SUPT16H: variants seen among roughly 807,000 people sequenced by gnomAD.
The protein encoded by SUPT16H is SPT16 homolog, facilitates chromatin remodeling subunit.
Under a neutral mutation model 136.2 loss-of-function variants are expected in SUPT16H, and 24 were observed. That is an observed-to-expected ratio of 0.18 (90% CI 0.13 to 0.25). The LOEUF is 0.25. Among genes scored for constraint, SUPT16H ranks in the 10% least tolerant of loss-of-function variants. The probability of loss-of-function intolerance (pLI) is 1.00; values close to 1 mark genes in which losing one functional copy is unlikely to be tolerated. For synonymous variants in SUPT16H, 415 were observed against 428.2 expected, an observed-to-expected ratio of 0.97 and a Z score of 0.38; for missense variants, 623 against 1,270.2, an observed-to-expected ratio of 0.49 and a Z score of 7.74.
chr14:21,364,310 A>C (rs1031729768), intron 10 of SUPT16H, among the ~76,000 whole-genome samples: 1 of 152,044 alleles, frequency 6.6e-6, no homozygotes, highest in African/African-American at 2.4e-5. Flanking sequence ...TATTTAGCAA[A>C]TCCTTAGAGA....
intron 1 of SUPT16H, among the ~76,000 whole-genome samples, chr14:21,377,634 CT>C (rs1254085612): frequency 6.5e-5 from 5 of 76,764 alleles, no homozygotes; most frequent in African/African-American, 2.1e-4. Flanking sequence ...TTTATTTATT[CT>C]TTTTTTGAGA....
At chr14:21,380,461 A>C (rs1811140655) in intron 1 of SUPT16H, among the ~76,000 whole-genome samples, 1 of 152,084 alleles carries the variant, frequency 6.6e-6, no homozygotes, top group Non-Finnish European at 1.5e-5. Flanking sequence ...GAGCCACAGA[A>C]CATAGCTGTT....
Position 21,360,933 on chromosome 14 carries a change from G to A in SUPT16H, c.1969C>T (p.Arg657Trp). The change falls in exon 17 of 26, where the codon CGG (arginine) becomes TGG (tryptophan). Residue 657 changes from arginine (R) to tryptophan (W), a missense_variant. Physicochemically the swap from Arg to Trp is moderately radical, Grantham distance 101 (BLOSUM62 -3). This residue lies in a region of SUPT16H where 62 missense variants were observed against 200.5 expected (regional missense o/e 0.31). Transcript: ENST00000216297. ...AGATCTTTCAGTTTCGGATTACTCC[G>A]GTTTAGATTGATCACCAGTGAGTCT... ...KQDSLVINLN[R>W]SNPKLKDLYI... 6.2e-7 allele frequency: 1 copy of A among 1,614,084 alleles called. No homozygotes were observed. Among genetic ancestry groups the A allele is most frequent in the Non-Finnish European group, 8.5e-7 (1 of 1,180,014 alleles).
chr14:21,361,432 T>C, intron 15 of SUPT16H: 1 of 565,180 alleles, frequency 1.8e-6, no homozygotes, highest in Non-Finnish European at 3.1e-6. Flanking sequence ...TCCTCCCACC[T>C]CAGCCTTCCA....
At chr14:21,364,097 C>T (rs939654670) in intron 10 of SUPT16H, among the ~76,000 whole-genome samples, 12 of 152,190 alleles carry the variant, frequency 7.9e-5, no homozygotes, top group Admixed American at 6.5e-5. Flanking sequence ...TTGTCTGTGC[C>T]TTCAATTTAT....
chr14:21,362,062 G>A (rs1003403493), intron 15 of SUPT16H, 135 bp downstream of exon 15: 8 of 1,046,938 alleles, frequency 7.6e-6, no homozygotes, highest in South Asian at 1.9e-5. Flanking sequence ...TCAAGAAGGC[G>A]ATCCGAAACA....
intron 6 of SUPT16H, 122 bp downstream of exon 6, chr14:21,369,082 A>C: frequency 9.0e-7 from 1 of 1,108,350 alleles, no homozygotes; most frequent in South Asian, 1.9e-5. Flanking sequence ...TGACTTGGTA[A>C]CACTATACAT....
At position 21,363,182 on chromosome 14, in the gene SUPT16H, C is replaced by T. The variant is rs761737278; in HGVS notation, c.1396-33G>A. Reference sequence around the variant, plus strand: ...ATGGAAAATCCAATTTATCACAACACGTGAGCCATATGACAGCCGAGATCA... The same window carrying T: ...ATGGAAAATCCAATTTATCACAACATGTGAGCCATATGACAGCCGAGATCA... On this transcript the variant is annotated intron_variant, in intron 12 of 25. Coordinates refer to ENST00000216297, the MANE Select transcript of SUPT16H (RefSeq NM_007192.4). 2.4e-5 allele frequency: 38 copies of T among 1,613,982 alleles called. No individual in the cohort carries two copies. The East Asian group carries it at 4.2e-4, about 18-fold the overall frequency.
In SUPT16H at chr14:21,383,911, T is replaced by C; in HGVS notation, c.17A>G (p.Asp6Gly). MAVTL[D>G]KDAYYRRVKR... ...CACTCGCCGATAATAAGCGTCTTTGTCCAGAGTCACAGCCATAGCCCCGGA... is the reference window on the plus strand; with the variant it reads ...CACTCGCCGATAATAAGCGTCTTTGCCCAGAGTCACAGCCATAGCCCCGGA... The change falls in exon 1 of 26, where the codon GAC becomes GGC. Residue 6 changes from aspartate to glycine, a missense_variant. Transcript: ENST00000216297. 1 of 1,612,796 alleles carries C rather than the reference T, an allele frequency of 6.2e-7. No individual in the cohort carries two copies.
Position 21,370,496 on chromosome 14 carries a change from T to C in SUPT16H, c.331-8A>G. 1 of 1,613,694 alleles carries C rather than the reference T, an allele frequency of 6.2e-7. No individual in the cohort carries two copies. Among genetic ancestry groups the C allele is most frequent in the Non-Finnish European group, 8.5e-7 (1 of 1,179,870 alleles). On this transcript the variant is annotated splice_region_variant and splice_polypyrimidine_tract_variant and intron_variant, in intron 3 of 25. Transcript: ENST00000216297. ...ACTCTTATTACTTTCATTCTGTCAG[T>C]GTCATAGGGAAGAAAAGACACATAT...
chr14:21,380,282 T>C (rs1391005083), intron 1 of SUPT16H, among the ~76,000 whole-genome samples: 1 of 140,432 alleles, frequency 7.1e-6, no homozygotes, highest in Non-Finnish European at 1.6e-5. Flanking sequence ...TGACAGATAC[T>C]GATGGAAGAC....
rs1476824614 is a variant in SUPT16H at position 21,369,366 on chromosome 14, A to G, written c.631-11T>C. On this transcript the variant is annotated splice_polypyrimidine_tract_variant and intron_variant, in intron 5 of 25. Coordinates refer to ENST00000216297, the MANE Select transcript of SUPT16H (RefSeq NM_007192.4). The stretch of plus-strand genomic sequence containing the variant: ...GCTGTGTCGAACTTTCTGTAAGAGC[A>G]TCCAGAAATAAAGTAACACTTACTA... 6 of 1,613,944 alleles carry G rather than the reference A, an allele frequency of 3.7e-6. No individual in the cohort carries two copies. The highest frequency in any genetic ancestry group is 1.6e-4 in the Middle Eastern group (1 of 6,084).
intron 1 of SUPT16H, among the ~76,000 whole-genome samples, chr14:21,377,076 G>GAAAAAAAAAAAAAAAAAAAGATAAAAAAA (rs1886917818): frequency 9.0e-6 from 1 of 110,790 alleles, no homozygotes; most frequent in Non-Finnish European, 1.8e-5. Context: ...GAAAGAAAAA[G>GAAAAAAAAAAAAAAAAAAAGATAAAAAAA]AAAAAAAAAA....
At chr14:21,359,824 T>C (rs1336001454) in intron 18 of SUPT16H, among the ~76,000 whole-genome samples, 1 of 152,226 alleles carries the variant, frequency 6.6e-6, no homozygotes, top group Non-Finnish European at 1.5e-5. Context: ...TTGGAAATCA[T>C]GTTGGTAACA....
chr14:21,370,781 AT>A (rs113154650), intron 3 of SUPT16H, among the ~76,000 whole-genome samples: 356 of 139,096 alleles, frequency 2.6e-3, no homozygotes, highest in Non-Finnish European at 2.5e-3. Flanking sequence ...GCCTGGATAA[AT>A]TTTTTTTTTT....
At chr14:21,362,061 C>A in intron 15 of SUPT16H, 136 bp downstream of exon 15, 3 of 1,028,162 alleles carry the variant, frequency 2.9e-6, no homozygotes, top group South Asian at 1.9e-5. Flanking sequence ...GTCAAGAAGG[C>A]GATCCGAAAC....
At chr14:21,372,968 G>A (rs1050588774) in intron 2 of SUPT16H, among the ~76,000 whole-genome samples, 4 of 152,158 alleles carry the variant, frequency 2.6e-5, no homozygotes, top group Non-Finnish European at 4.4e-5. Context: ...GTAAGAGACA[G>A]GGTCTCACTG....
At chr14:21,377,651 T>C (rs1308942278) in intron 1 of SUPT16H, among the ~76,000 whole-genome samples, 1 of 150,354 alleles carries the variant, frequency 6.7e-6, no homozygotes, top group African/African-American at 2.4e-5. Flanking sequence ...TGAGACACAG[T>C]CTCACTCTGT....
chr14:21,369,062 C>T, intron 6 of SUPT16H, 142 bp downstream of exon 6: 1 of 886,762 alleles, frequency 1.1e-6, no homozygotes, highest in Non-Finnish European at 1.6e-6. Flanking sequence ...GTGATGGACA[C>T]CCAAGATAAT....
Sources: gnomAD v4.1 joint callset for allele counts (sites outside exome capture counted in the v4.1 genomes callset) on GRCh38, gnomAD v4.1.1 for gene constraint, gnomAD v4.1.1 regional missense constraint, MANE v1.5 for transcripts, NCBI Gene and HGNC (gene_info 2026-07-23, HGNC 2026-07-21) for gene names.